The following GALNT13 variants were observed in gnomAD, a reference collection of about 807,000 sequenced individuals.
The protein encoded by GALNT13 is UDP-GalNAc:polypeptide N-acetylgalactosaminyltransferase 13.
GALNT13 carries 28 observed loss-of-function variants against 64.2 expected under a neutral mutation model. The ratio of observed to expected loss-of-function variants is 0.44; its 90% CI spans 0.32 to 0.60. The LOEUF (loss-of-function observed/expected upper bound fraction) is 0.60, where lower values mean the gene tolerates loss of function less well. Ranked by LOEUF, GALNT13 falls within the 20% of genes least tolerant of loss-of-function variation. The pLI is 0.05. For missense variants in GALNT13, 577 were observed against 669.8 expected (o/e 0.86, Z 1.53); for synonymous variants, 214 against 224.6 (o/e 0.95, Z 0.42).
At chr2:154,230,839 A>G (rs1004059367) in intron 4 of GALNT13, among the ~76,000 whole-genome samples, 2 of 152,186 alleles carry the variant, frequency 1.3e-5, no homozygotes, top group South Asian at 2.1e-4. Context: ...TGCTTTTGTT[A>G]CTGCTTTCTC....
chr2:153,477,104 A>G, the GALNT13 span, among the ~76,000 whole-genome samples: 3 of 152,176 alleles, frequency 2.0e-5, no homozygotes, highest in Admixed American at 6.5e-5. Flanking sequence ...AATATTCACG[A>G]TAAGAGGAAA....
chr2:154,359,138 C>G (rs1696920110), intron 9 of GALNT13, among the ~76,000 whole-genome samples: 1 of 151,966 alleles, frequency 6.6e-6, no homozygotes, highest in African/African-American at 2.4e-5. Context: ...ACTTTCCTTC[C>G]CCTGCCCTTC....
At chr2:153,286,099 AC>A in the GALNT13 span, among the ~76,000 whole-genome samples, 1 of 152,138 alleles carries the variant, frequency 6.6e-6, no homozygotes, top group Non-Finnish European at 1.5e-5. Context: ...ATACAAAAAA[AC>A]ATTAAAAGTA....
intron 3 of GALNT13, among the ~76,000 whole-genome samples, chr2:154,046,810 G>A (rs1699314636): frequency 6.6e-6 from 1 of 152,120 alleles, no homozygotes; most frequent in Admixed American, 6.5e-5. Flanking sequence ...CAGGAAGAAG[G>A]TGGCCTTCTG....
the GALNT13 span, among the ~76,000 whole-genome samples, chr2:153,188,548 A>G: frequency 5.7e-4 from 87 of 152,164 alleles, no homozygotes; most frequent in African/African-American, 1.8e-3. Context: ...TTCAGTAACA[A>G]CTACCCAATC....
At chr2:153,666,433 C>T in the GALNT13 span, among the ~76,000 whole-genome samples, 1 of 152,130 alleles carries the variant, frequency 6.6e-6, no homozygotes, top group Non-Finnish European at 1.5e-5. Flanking sequence ...GCCATTGCCC[C>T]AAGAAGTGCT....
chr2:153,396,473 T>C, the GALNT13 span, among the ~76,000 whole-genome samples: 1 of 152,058 alleles, frequency 6.6e-6, no homozygotes, highest in South Asian at 2.1e-4. Context: ...TAGAGAGCAC[T>C]TCCTCAATTA....
chr2:153,290,600 T>C, the GALNT13 span, among the ~76,000 whole-genome samples: 1 of 152,328 alleles, frequency 6.6e-6, no homozygotes, highest in Admixed American at 6.5e-5. Context: ...TTGTTTATTG[T>C]GCATTTCTAC....
chr2:154,032,063 C>T (rs905529981), intron 3 of GALNT13, among the ~76,000 whole-genome samples: 3 of 151,382 alleles, frequency 2.0e-5, no homozygotes, highest in African/African-American at 7.3e-5. Context: ...TCCTAAGATA[C>T]TATAAAAGTA....
At chr2:153,992,413 T>A (rs542451784) in intron 3 of GALNT13, among the ~76,000 whole-genome samples, 2 of 152,312 alleles carry the variant, frequency 1.3e-5, no homozygotes, top group Non-Finnish European at 2.9e-5. Context: ...TCTTTAATGC[T>A]ATTTATAATG....
At chr2:153,551,591 A>G in the GALNT13 span, among the ~76,000 whole-genome samples, 2 of 152,206 alleles carry the variant, frequency 1.3e-5, no homozygotes, top group Non-Finnish European at 2.9e-5. Flanking sequence ...TTGGACTAAC[A>G]ATTCTTATTG....
the GALNT13 span, among the ~76,000 whole-genome samples, chr2:153,795,524 CT>C: frequency 0.015 from 2,220 of 144,582 alleles, 44 homozygotes; most frequent in African/African-American, 0.049. Flanking sequence ...CAGCTAGGTA[CT>C]TTTTTTTTTT....
chr2:154,120,425 C>G (rs1242806683), intron 3 of GALNT13, among the ~76,000 whole-genome samples: 1 of 152,296 alleles, frequency 6.6e-6, no homozygotes, highest in South Asian at 2.1e-4. Context: ...AGTCTATGCT[C>G]ATTAGAACTG....
rs138534457 is a variant in GALNT13, at chr2:153,972,431, G to A, written c.142+27792G>A. Among the ~76,000 whole-genome samples, 390 of 151,996 alleles carry A rather than the reference G, an allele frequency of 2.6e-3. 4 individuals carry two copies. Among genetic ancestry groups the A allele is most frequent in the African/African-American group, 8.5e-3 (354 of 41,476 alleles). On this transcript the variant is annotated intron_variant, in intron 3 of 12. Transcript: ENST00000392825. ...CTCCATCTTTTTAACTTTAATATTA[G>A]GATAAACAATTTATAGTTCTATAAA... is the stretch of plus-strand genomic sequence containing the variant.
chr2:154,292,787 G>T (rs541737767), intron 8 of GALNT13, among the ~76,000 whole-genome samples: 15 of 152,326 alleles, frequency 9.8e-5, no homozygotes, highest in Admixed American at 9.1e-4. Context: ...GCAGCTGCAT[G>T]AATTTGGTAC....
the GALNT13 span, among the ~76,000 whole-genome samples, chr2:153,283,633 G>A: frequency 6.6e-6 from 1 of 152,150 alleles, no homozygotes; most frequent in African/African-American, 2.4e-5. Context: ...CACAGGTAGG[G>A]TGGGTCAGCT....
chr2:153,904,750 C>G (rs537963059), intron 2 of GALNT13, among the ~76,000 whole-genome samples: 55 of 151,844 alleles, frequency 3.6e-4, no homozygotes, highest in African/African-American at 1.3e-3. Flanking sequence ...TTTTCAATTT[C>G]TTAATGAGGT....
At chr2:153,116,660 G>C in the GALNT13 span, among the ~76,000 whole-genome samples, 35 of 152,158 alleles carry the variant, frequency 2.3e-4, no homozygotes, top group African/African-American at 7.0e-4. Context: ...ATTAAAATAG[G>C]AATGCCAGGC....
At chr2:154,387,532 C>CCTGT (rs3078725) in intron 9 of GALNT13, among the ~76,000 whole-genome samples, 62,291 of 151,494 alleles carry the variant, frequency 0.41, 13,326 homozygotes, top group African/African-American at 0.54. Flanking sequence ...ACGTGTTTCT[C>CCTGT]CTATCTGAAA....
Sources: allele counts gnomAD v4.1 joint callset (sites outside exome capture counted in the v4.1 genomes callset), GRCh38; gene constraint gnomAD v4.1.1; transcripts MANE v1.5; gene names NCBI Gene and HGNC (gene_info 2026-07-23, HGNC 2026-07-21).